POLR3B: variants seen among roughly 807,000 people sequenced by gnomAD.
POLR3B encodes RNA polymerase III subunit B, also known as DNA-directed RNA polymerase III subunit RPC2.
Under a neutral mutation model 147.4 loss-of-function variants are expected in POLR3B, and 96 were observed. That is an observed-to-expected ratio of 0.65 (90% CI 0.55 to 0.77). POLR3B has a LOEUF of 0.77. POLR3B is among the 30% of genes least tolerant of loss of function. POLR3B has a pLI of 0.00. For synonymous variants in POLR3B, 461 were observed against 485.9 expected, an observed-to-expected ratio of 0.95 and a Z score of 0.67; for missense variants, 1,036 against 1,413.5, an observed-to-expected ratio of 0.73 and a Z score of 4.28.
intron 19 of POLR3B, among the ~76,000 whole-genome samples, chr12:106,448,603 A>AT (rs931950814): frequency 6.0e-5 from 9 of 149,370 alleles, no homozygotes; most frequent in Admixed American, 1.3e-4. Flanking sequence ...TGCCCAGCTA[A>AT]TTTTTTTTTG....
At chr12:106,398,012 C>G (rs1042352459) in intron 10 of POLR3B, among the ~76,000 whole-genome samples, 1 of 152,196 alleles carries the variant, frequency 6.6e-6, no homozygotes, top group Non-Finnish European at 1.5e-5. Context: ...GCGCACCGTG[C>G]GTGAGCCAAA....
chr12:106,418,374 C>T (rs993703794), intron 12 of POLR3B, among the ~76,000 whole-genome samples: 6 of 152,130 alleles, frequency 3.9e-5, no homozygotes, highest in East Asian at 1.9e-4. Flanking sequence ...AAAAGAATGC[C>T]GTCTTGACTT....
intron 9 of POLR3B, among the ~76,000 whole-genome samples, chr12:106,381,093 A>G (rs1160415570): frequency 6.6e-6 from 1 of 152,242 alleles, no homozygotes; most frequent in African/African-American, 2.4e-5. Flanking sequence ...TCAGTGAGTT[A>G]TAGTCTTTTT....
chr12:106,377,766 C>G (rs186191859), intron 7 of POLR3B, among the ~76,000 whole-genome samples: 5 of 152,062 alleles, frequency 3.3e-5, no homozygotes, highest in African/African-American at 1.2e-4. Context: ...TCTTGTAGCT[C>G]ATTTGTATAA....
intron 1 of POLR3B, among the ~76,000 whole-genome samples, chr12:106,359,908 G>C (rs1489944241): frequency 6.6e-6 from 1 of 152,194 alleles, no homozygotes; most frequent in African/African-American, 2.4e-5. Context: ...TCTCCAGAGA[G>C]CTGAAGAAAT....
chr12:106,387,450 C>T (rs1333242900), intron 9 of POLR3B, among the ~76,000 whole-genome samples: 1 of 152,142 alleles, frequency 6.6e-6, no homozygotes, highest in Non-Finnish European at 1.5e-5. Context: ...GACTTTATTC[C>T]TGAGAGTGGA....
chr12:106,504,492 A>T lies in POLR3B; in HGVS notation c.3272+238A>T, dbSNP rs2137089486. ...TAAGCTCCCAAGGAGTACAAACTTT[A>T]CCTCCTTTTAAATATTCTCTCAGGT... On this transcript the variant is annotated intron_variant, in intron 27 of 27. Transcript: ENST00000228347. This position sits in a 1 kb window ranked among gnomAD's most constrained non-coding sequence, Gnocchi z 4.6. Among the ~76,000 whole-genome samples, 1 of 152,114 alleles carries T rather than the reference A, an allele frequency of 6.6e-6. No homozygotes were observed. The highest frequency in any genetic ancestry group is 2.1e-4 in the South Asian group (1 of 4,814).
At chr12:106,416,919 CT>C (rs1442624666) in intron 12 of POLR3B, among the ~76,000 whole-genome samples, 18 of 152,096 alleles carry the variant, frequency 1.2e-4, no homozygotes, top group African/African-American at 3.9e-4. Flanking sequence ...GAAGCTGCCC[CT>C]CCCTCATATC....
chr12:106,429,539 A>G (rs2037481227), intron 13 of POLR3B, among the ~76,000 whole-genome samples: 1 of 152,150 alleles, frequency 6.6e-6, no homozygotes, highest in South Asian at 2.1e-4. Flanking sequence ...CCTTGAGAAT[A>G]TTTTTAATGT....
At chr12:106,465,942 T>C (rs1456631191) in intron 23 of POLR3B, among the ~76,000 whole-genome samples, 1 of 152,192 alleles carries the variant, frequency 6.6e-6, no homozygotes, top group African/African-American at 2.4e-5. Context: ...TGTGTCTTTA[T>C]AGTAGAATGA....
At position 106,475,491 on chromosome 12, in the gene POLR3B, G is replaced by A. The variant is rs1200368809; in HGVS notation, c.2713+11871G>A. Reference sequence around the variant, plus strand: ...TGTTAAATTCTCCCATTATTAATGTGTGGGAGTCTAAGTCTCTTTGTAGGT... The same window carrying A: ...TGTTAAATTCTCCCATTATTAATGTATGGGAGTCTAAGTCTCTTTGTAGGT... On this transcript the variant is annotated intron_variant, in intron 23 of 27. Transcript: ENST00000228347. Among the ~76,000 whole-genome samples, 7 of 104,978 alleles carry A rather than the reference G, an allele frequency of 6.7e-5. 2 individuals carry two copies. Among genetic ancestry groups the A allele is most frequent in the Non-Finnish European group, 1.3e-4 (7 of 53,696 alleles). 68.9% of individuals were successfully genotyped at this position (104,978 alleles called of 152,430 possible). A position where few individuals can be genotyped will look rare whatever the true frequency, so the allele number is the denominator to read the frequency against.
intron 12 of POLR3B, among the ~76,000 whole-genome samples, chr12:106,416,823 T>C (rs2037309994): frequency 6.6e-6 from 1 of 152,088 alleles, no homozygotes. Context: ...TCCGGCCTCA[T>C]CTCATGCCAA....
intron 16 of POLR3B, among the ~76,000 whole-genome samples, chr12:106,434,985 T>C (rs1038903451): frequency 6.6e-6 from 1 of 152,122 alleles, no homozygotes; most frequent in Non-Finnish European, 1.5e-5. Context: ...AGGGAGGTGG[T>C]TGGACTTGAT....
rs151041363 is a variant in POLR3B, at chr12:106,482,263, T to C, written c.2714-13792T>C. Among the ~76,000 whole-genome samples the C allele has an allele frequency of 4.4e-3, 675 of 152,334 alleles. 4 individuals carry two copies. The highest frequency in any genetic ancestry group is 0.016 in the African/African-American group (650 of 41,588). On this transcript the variant is annotated intron_variant, in intron 23 of 27. Transcript: ENST00000228347. ...AGATACCAATAGTTTTTTTAAAAAA[T>C]AATTGTATATGTTGTTAAATATCCA...
chr12:106,371,853 T>C (rs950357418), intron 6 of POLR3B, among the ~76,000 whole-genome samples: 8 of 151,060 alleles, frequency 5.3e-5, no homozygotes, highest in African/African-American at 1.7e-4. Flanking sequence ...GACGAGTTAA[T>C]GGGTGCAGCA....
At chr12:106,425,967 G>A (rs1415150608) in intron 12 of POLR3B, among the ~76,000 whole-genome samples, 1 of 152,022 alleles carries the variant, frequency 6.6e-6, no homozygotes, top group Non-Finnish European at 1.5e-5. Context: ...ACTCAGCCAT[G>A]ATTTTGTGGT....
chr12:106,488,473 G>A (rs536656103), intron 23 of POLR3B, among the ~76,000 whole-genome samples: 1 of 152,208 alleles, frequency 6.6e-6, no homozygotes, highest in Non-Finnish European at 1.5e-5. Context: ...GGAGAAATAT[G>A]TAAACCCTGA....
At chr12:106,447,140 T>G (rs973514429) in intron 19 of POLR3B, among the ~76,000 whole-genome samples, 6 of 152,212 alleles carry the variant, frequency 3.9e-5, no homozygotes, top group African/African-American at 1.4e-4. Context: ...TTAGTTGGTA[T>G]TCATCTGTCT....
intron 18 of POLR3B, among the ~76,000 whole-genome samples, chr12:106,443,754 C>G (rs960609874): frequency 7.2e-5 from 11 of 152,154 alleles, no homozygotes; most frequent in African/African-American, 2.2e-4. Flanking sequence ...CTACTGACCT[C>G]AAGTGATCCA....
Sources: gnomAD v4.1 joint callset for allele counts (sites outside exome capture counted in the v4.1 genomes callset) on GRCh38, gnomAD v4.1.1 for gene constraint, Gnocchi (gnomAD v3.1) non-coding constraint, MANE v1.5 for transcripts, NCBI Gene and HGNC (gene_info 2026-07-23, HGNC 2026-07-21) for gene names.